COL24A1: variants seen among roughly 807,000 people sequenced by gnomAD.
COL24A1 encodes the protein collagen alpha-1(XXIV) chain.
In COL24A1, 224 loss-of-function variants were observed where a neutral mutation model predicts 253.9. The observed-to-expected ratio is 0.88, with a 90% CI of 0.79 to 0.99. The LOEUF (loss-of-function observed/expected upper bound fraction) is 0.99, where lower values mean the gene tolerates loss of function less well. COL24A1 is among the 50% of genes least tolerant of loss of function. The probability of loss-of-function intolerance (pLI) is 0.00; values close to 1 mark genes in which losing one functional copy is unlikely to be tolerated. For missense variants in COL24A1, 2,131 were observed against 2,068.5 expected, an observed-to-expected ratio of 1.03 and a Z score of -0.59; for synonymous variants, 685 against 673.7, an observed-to-expected ratio of 1.02 and a Z score of -0.26.
At chr1:85,821,787 G>C (rs1014443584) in intron 45 of COL24A1, among the ~76,000 whole-genome samples, 37 of 152,150 alleles carry the variant, frequency 2.4e-4, no homozygotes, top group African/African-American at 7.7e-4. Context: ...TAGAGAGGCA[G>C]TTGACTAGTA....
At chr1:85,970,817 T>C (rs1692084127) in intron 21 of COL24A1, among the ~76,000 whole-genome samples, 1 of 152,216 alleles carries the variant, frequency 6.6e-6, no homozygotes. Context: ...TGGGTTCAGA[T>C]TCTTCAGACA....
At chr1:85,829,645 C>T (rs968021363) in intron 43 of COL24A1, among the ~76,000 whole-genome samples, 2 of 151,980 alleles carry the variant, frequency 1.3e-5, no homozygotes, top group Admixed American at 1.3e-4. Flanking sequence ...TCTCTCTAAA[C>T]TTCCCTTCTC....
At chr1:85,788,342 C>T (rs113730301) in intron 47 of COL24A1, among the ~76,000 whole-genome samples, 92 of 152,236 alleles carry the variant, frequency 6.0e-4, no homozygotes, top group African/African-American at 1.9e-3. Context: ...CCGCCCATCT[C>T]GGCCTCCCAA....
intron 24 of COL24A1, among the ~76,000 whole-genome samples, chr1:85,950,051 A>T (rs1454612160): frequency 6.6e-6 from 1 of 152,098 alleles, no homozygotes; most frequent in African/African-American, 2.4e-5. Context: ...CCTCCACATT[A>T]TTCAAGGTCC....
rs759711946 is a variant in COL24A1, at chr1:85,779,281, G to A, written c.4338+1939C>T. Among the ~76,000 whole-genome samples the A allele has an allele frequency of 3.9e-5, 6 of 152,130 alleles. No homozygotes were observed. The East Asian group carries it at 7.7e-4, about 19-fold the overall frequency. On this transcript the variant is annotated intron_variant, in intron 52 of 59. Transcript: ENST00000370571. Reference sequence around the variant, plus strand: ...TCCATCTCTCTTCCCTGTCACTGACGTAGGAGTGAACATCTGGCTGAATGC... The same window carrying A: ...TCCATCTCTCTTCCCTGTCACTGACATAGGAGTGAACATCTGGCTGAATGC...
chr1:85,802,612 A>G (rs1303328544), intron 47 of COL24A1, among the ~76,000 whole-genome samples: 1 of 152,202 alleles, frequency 6.6e-6, no homozygotes, highest in East Asian at 1.9e-4. Flanking sequence ...AGTAAATTTC[A>G]AAGTATATAA....
chr1:86,107,584 G>C (rs959505472), intron 5 of COL24A1, among the ~76,000 whole-genome samples: 3 of 151,742 alleles, frequency 2.0e-5, no homozygotes, highest in Admixed American at 6.6e-5. Flanking sequence ...GCCCAGGCTG[G>C]AGTGCAGTGG....
chr1:85,839,357 C>T (rs1299345040), intron 42 of COL24A1, among the ~76,000 whole-genome samples: 1 of 152,062 alleles, frequency 6.6e-6, no homozygotes, highest in Non-Finnish European at 1.5e-5. Context: ...CCATTAATTA[C>T]AAAAGATTAT....
At chr1:85,763,370 A>C (rs1558028946) in intron 53 of COL24A1, among the ~76,000 whole-genome samples, 1 of 152,008 alleles carries the variant, frequency 6.6e-6, no homozygotes, top group East Asian at 1.9e-4. Flanking sequence ...GTGAACCAAG[A>C]TCACGCCACT....
In COL24A1 at chr1:85,783,567, A is replaced by G; in HGVS notation, c.4222-9T>C. 1 of 1,611,526 alleles carries G rather than the reference A, an allele frequency of 6.2e-7. No individual in the cohort carries two copies. The highest frequency in any genetic ancestry group is 8.5e-7 in the Non-Finnish European group (1 of 1,178,358). On this transcript the variant is annotated splice_polypyrimidine_tract_variant and intron_variant, in intron 50 of 59. Transcript: ENST00000370571. ...GCATCCCCTTCAGGACCCTAGACAT[A>G]CAATAAGAAACAAAAAGATAAAATT...
In COL24A1 at chr1:85,889,546, A is replaced by G. The variant is rs1373895561; in HGVS notation, c.2976+14T>C. 2 of 1,606,254 alleles carry G rather than the reference A, an allele frequency of 1.2e-6. No individual in the cohort carries two copies. Among genetic ancestry groups the G allele is most frequent in the Non-Finnish European group, 1.7e-6 (2 of 1,173,266 alleles). ...GAGAAAGACACAATTAGAAAAGTATAAAGATAAACTTACTGGCTCTCCTGG... is the reference window on the plus strand; with the variant it reads ...GAGAAAGACACAATTAGAAAAGTATGAAGATAAACTTACTGGCTCTCCTGG... On this transcript the variant is annotated intron_variant, in intron 32 of 59. Coordinates refer to ENST00000370571, the MANE Select transcript of COL24A1 (RefSeq NM_152890.7).
chr1:85,774,602 G>A (rs968083102), intron 53 of COL24A1, among the ~76,000 whole-genome samples: 1 of 152,148 alleles, frequency 6.6e-6, no homozygotes, highest in Non-Finnish European at 1.5e-5. Context: ...AGTCTTGAGA[G>A]GGTGTATGTG....
chr1:86,013,196 T>C (rs140687098), intron 19 of COL24A1, among the ~76,000 whole-genome samples: 4 of 152,244 alleles, frequency 2.6e-5, no homozygotes, highest in South Asian at 4.1e-4. Context: ...TTTTCAGATA[T>C]TAACTTAAAC....
At chr1:85,778,820 T>G (rs953350101) in intron 52 of COL24A1, among the ~76,000 whole-genome samples, 34 of 151,878 alleles carry the variant, frequency 2.2e-4, no homozygotes, top group African/African-American at 8.0e-4. Flanking sequence ...GCCAGGCTGG[T>G]CTTGAACTCC....
intron 23 of COL24A1, among the ~76,000 whole-genome samples, chr1:85,964,587 A>C (rs1691381532): frequency 6.6e-6 from 1 of 152,174 alleles, no homozygotes; most frequent in Non-Finnish European, 1.5e-5. Flanking sequence ...ACATAATCAC[A>C]GATACACAGA....
At position 86,112,596 on chromosome 1, in the gene COL24A1, G is replaced by C; in HGVS notation, c.1570C>G (p.Pro524Ala). 6.2e-7 allele frequency: 1 copy of C among 1,613,188 alleles called. No homozygotes were observed. The highest frequency in any genetic ancestry group is 8.5e-7 in the Non-Finnish European group (1 of 1,179,462). Residue 524 changes from proline to alanine, a missense_variant, in exon 5 of 60, where the codon CCT becomes GCT. Pro to Ala is a conservative substitution (Grantham distance 27, BLOSUM62 -1). Coordinates refer to ENST00000370571, the MANE Select transcript of COL24A1 (RefSeq NM_152890.7). ...PRGIPGPHGN[P>A]GLPGLPGPKG... Reference sequence around the variant, plus strand: ...GGACCAGGTAATCCAGGTAAACCAGGATTTCCATGTGGCCCTGGTATGCCC... The same window carrying C: ...GGACCAGGTAATCCAGGTAAACCAGCATTTCCATGTGGCCCTGGTATGCCC...
chr1:85,736,360 C>T (rs1206948138), intron 58 of COL24A1: 2 of 456,284 alleles, frequency 4.4e-6, no homozygotes, highest in Non-Finnish European at 8.8e-6. Context: ...CCCACTGCTC[C>T]TATTTCCTCT....
At chr1:85,960,981 A>C in intron 24 of COL24A1, 1 of 262,818 alleles carries the variant, frequency 3.8e-6, no homozygotes, top group Non-Finnish European at 7.0e-6. Context: ...GAATAAAATT[A>C]AAAACCAAAT....
At chr1:86,091,018 T>C (rs1231259263) in intron 6 of COL24A1, among the ~76,000 whole-genome samples, 1 of 152,134 alleles carries the variant, frequency 6.6e-6, no homozygotes, top group Non-Finnish European at 1.5e-5. Flanking sequence ...CTCTAATTTC[T>C]AAATTTTAAG....
Sources: allele counts gnomAD v4.1 joint callset (sites outside exome capture counted in the v4.1 genomes callset), GRCh38; gene constraint gnomAD v4.1.1; transcripts MANE v1.5; gene names NCBI Gene and HGNC (gene_info 2026-07-23, HGNC 2026-07-21).